MYCBPAP: variants seen among roughly 807,000 people sequenced by gnomAD.
MYCBPAP encodes MYCBP-associated protein.
Under a neutral mutation model 106.1 loss-of-function variants are expected in MYCBPAP, and 60 were observed. The ratio of observed to expected loss-of-function variants is 0.57; its 90% CI spans 0.46 to 0.70. The LOEUF (loss-of-function observed/expected upper bound fraction) is 0.70. Among genes scored for constraint, MYCBPAP ranks in the 30% least tolerant of loss-of-function variants. The probability of loss-of-function intolerance (pLI) is 0.00; values close to 1 mark genes in which losing one functional copy is unlikely to be tolerated. For synonymous variants in MYCBPAP, 407 were observed against 440.6 expected, an observed-to-expected ratio of 0.92 and a Z score of 0.95; for missense variants, 1,064 against 1,169.3, an observed-to-expected ratio of 0.91 and a Z score of 1.31.
chr17:50,514,023 G>A (rs546885092), intron 1 of MYCBPAP, among the ~76,000 whole-genome samples: 148 of 152,320 alleles, frequency 9.7e-4, no homozygotes, highest in Non-Finnish European at 1.6e-3. Flanking sequence ...GACTGTGGAT[G>A]ATAGGCTGAA....
rs778000070 is a variant in MYCBPAP, at chr17:50,518,930, G to T, written c.653-44G>T. On this transcript the variant is annotated intron_variant, in intron 5 of 18. Transcript: ENST00000323776. ...ATGCAGACTGCCAAGGCCCCTGTTT[G>T]TTCTGGTTCGGCAGAGTGGCGGCAA... The T allele has an allele frequency of 3.9e-5, 62 of 1,579,862 alleles. 1 individual carries two copies. The highest frequency in any genetic ancestry group is 1.8e-4 in the East Asian group (8 of 44,718).
intron 1 of MYCBPAP, among the ~76,000 whole-genome samples, chr17:50,512,544 C>T (rs2033893169): frequency 6.6e-6 from 1 of 152,214 alleles, no homozygotes; most frequent in African/African-American, 2.4e-5. Flanking sequence ...AACACTTCTT[C>T]AGAGCCCTGA....
intron 12 of MYCBPAP, 104 bp downstream of exon 12, chr17:50,523,888 G>T: frequency 8.3e-7 from 1 of 1,205,024 alleles, no homozygotes; most frequent in Non-Finnish European, 1.1e-6. Flanking sequence ...CCTAAGAGGA[G>T]AATTGGATTT....
At chr17:50,527,227 C>CT in intron 14 of MYCBPAP, 60 bp from the exon 15 acceptor site, 1 of 1,605,134 alleles carries the variant, frequency 6.2e-7, no homozygotes, top group South Asian at 1.1e-5. Context: ...TCACCATGCC[C>CT]TTCACTAGAG....
At position 50,526,279 on chromosome 17, in the gene MYCBPAP, A is replaced by T. The variant is rs1396857772; in HGVS notation, c.2169+12A>T. The T allele has an allele frequency of 6.3e-7, 1 of 1,581,196 alleles. No individual in the cohort carries two copies. Among genetic ancestry groups the T allele is most frequent in the East Asian group, 2.2e-5 (1 of 44,708 alleles). ...AGGACTTCAGAAAGGTGCTTCCAAG[A>T]CCCTGGAAGGCAATGGTAGAGAATA... On this transcript the variant is annotated intron_variant, in intron 14 of 18. Coordinates refer to ENST00000323776, the MANE Select transcript of MYCBPAP (RefSeq NM_032133.6).
chr17:50,522,887 A>G, intron 10 of MYCBPAP, 52 bp from the exon 11 acceptor site: 1 of 1,557,388 alleles, frequency 6.4e-7, no homozygotes, highest in Non-Finnish European at 8.8e-7. Context: ...TGAGTTGTTC[A>G]CTCTAGGCCA....
At position 50,527,321 on chromosome 17, in the gene MYCBPAP, A is replaced by T. The variant is rs374863303; in HGVS notation, c.2204A>T (p.Glu735Val). The change falls in exon 15 of 19, where the codon GAG becomes GTG. Residue 735 changes from glutamate to valine, a missense_variant. Transcript: ENST00000323776. ...VMVLPDENHR[E>V]DALMRLNKAA... Reference sequence around the variant, plus strand: ...GTGCTCCCTGATGAGAACCACAGAGAGGATGCGTTGATGAGGCTCAACAAA... The same window carrying T: ...GTGCTCCCTGATGAGAACCACAGAGTGGATGCGTTGATGAGGCTCAACAAA... 2 of 1,614,050 alleles carry T rather than the reference A, an allele frequency of 1.2e-6. No homozygotes were observed. The highest frequency in any genetic ancestry group is 1.7e-6 in the Non-Finnish European group (2 of 1,179,988).
In MYCBPAP at chr17:50,526,414, C is replaced by T. The variant is rs115366750; in HGVS notation, c.2169+147C>T. The T allele has an allele frequency of 6.4e-3, 2,373 of 369,746 alleles. 10 individuals carry two copies. The highest frequency in any genetic ancestry group is 1.0e-2 in the Middle Eastern group (12 of 1,202). 22.9% of individuals were successfully genotyped at this position (369,746 alleles called of 1,614,324 possible). On this transcript the variant is annotated intron_variant, in intron 14 of 18. Coordinates refer to ENST00000323776, the MANE Select transcript of MYCBPAP (RefSeq NM_032133.6). ...GTGATCTCTTGGGTTATCTATCTAT[C>T]TATTTATTTATTTATTTATTTATTT...
chr17:50,526,373 T>A, intron 14 of MYCBPAP, 106 bp downstream of exon 14: 1 of 1,097,794 alleles, frequency 9.1e-7, no homozygotes, highest in Non-Finnish European at 1.3e-6. Context: ...AAACAAAACC[T>A]GAGAGCCCAG....
intron 1 of MYCBPAP, chr17:50,510,316 A>G (rs1196118771): frequency 6.6e-6 from 1 of 151,788 alleles, no homozygotes; most frequent in African/African-American, 2.4e-5. Context: ...GTTCCAGGCC[A>G]GGAGTTTATG....
Position 50,517,656 on chromosome 17 carries a change from C to T in MYCBPAP, c.426C>T (p.Leu142=), listed in dbSNP as rs61749931. The change falls in exon 4 of 19, where the codon CTC becomes CTT. Residue 142 remains leucine, a synonymous_variant. Transcript: ENST00000323776. ...TGCCCCACCACATCTTGGGGAGTCT[C>T]CAGGATTTTAAGAGAATTGCACTTG... ...QILPHHILGS[L]QDFKRIALAR... 60,277 of 1,614,068 alleles carry T rather than the reference C, an allele frequency of 0.037. 1,406 individuals are homozygous for T. Among genetic ancestry groups the T allele is most frequent in the African/African-American group, 0.09 (6,784 of 74,998 alleles).
In MYCBPAP at chr17:50,517,421, T is replaced by C. The variant is rs890018880; in HGVS notation, c.333T>C (p.Pro111=). ...VCHLVARPAN[P]DEATKPLDYS... ...ACCTTGTAGCACGTCCTGCGAATCCTGATGAAGCCACAAAGCCTCTGGACT... is the reference window on the plus strand; with the variant it reads ...ACCTTGTAGCACGTCCTGCGAATCCCGATGAAGCCACAAAGCCTCTGGACT... Residue 111 remains proline, a synonymous_variant, in exon 3 of 19, where the codon CCT becomes CCC. Coordinates refer to ENST00000323776, the MANE Select transcript of MYCBPAP (RefSeq NM_032133.6). 1.3e-5 allele frequency: 21 copies of C among 1,614,216 alleles called. No homozygotes were observed. Among genetic ancestry groups the C allele is most frequent in the Non-Finnish European group, 1.8e-5 (21 of 1,180,036 alleles).
rs2034278665 is a variant in MYCBPAP, at chr17:50,522,064, A to C, written c.1240A>C (p.Ser414Arg). The change falls in exon 10 of 19, where the codon AGT (serine) becomes CGT (arginine). Residue 414 changes from serine to arginine, a missense_variant. Coordinates refer to ENST00000323776, the MANE Select transcript of MYCBPAP (RefSeq NM_032133.6). ...CGKPACWIRG[S>R]NPQDKRQVGI... Reference sequence around the variant, plus strand: ...GAAGCCAGCTTGCTGGATCAGAGGCAGTAATCCACAGGACAAGGTAAAACA... The same window carrying C: ...GAAGCCAGCTTGCTGGATCAGAGGCCGTAATCCACAGGACAAGGTAAAACA... 1.9e-6 allele frequency: 3 copies of C among 1,613,746 alleles called. No homozygotes were observed. The African/African-American group carries it at 4.0e-5, about 22-fold the overall frequency.
chr17:50,526,074 G>C lies in MYCBPAP; in HGVS notation c.1976G>C (p.Arg659Pro). 6.2e-7 allele frequency: 1 copy of C among 1,613,924 alleles called. No individual in the cohort carries two copies. Among genetic ancestry groups the C allele is most frequent in the Non-Finnish European group, 8.5e-7 (1 of 1,180,028 alleles). Residue 659 changes from arginine to proline, a missense_variant, in exon 14 of 19, where the codon CGG becomes CCG. Coordinates refer to ENST00000323776, the MANE Select transcript of MYCBPAP (RefSeq NM_032133.6). ...CCCATCTCCGAAACTCAAGTGCCCC[G>C]GCCTGAGAACGAGGCCCTCAGGGAA... ...RSPISETQVP[R>P]PENEALRESG...
Position 50,515,248 on chromosome 17 carries a change from TC to T in MYCBPAP, c.77-1315del, listed in dbSNP as rs528343385. Among the ~76,000 whole-genome samples the T allele has an allele frequency of 5.9e-3, 896 of 151,142 alleles. 4 individuals carry two copies. The highest frequency in any genetic ancestry group is 0.01 in the Middle Eastern group (3 of 294). On this transcript the variant is annotated intron_variant, in intron 1 of 18. Coordinates refer to ENST00000323776, the MANE Select transcript of MYCBPAP (RefSeq NM_032133.6). ...CGCCCGCCGACTCAGGGCTGGTTGT[TC>T]CCCCCCACCATGTTCCTGTAGTTAC...
chr17:50,516,252 A>C (rs2034046430), intron 1 of MYCBPAP, among the ~76,000 whole-genome samples: 1 of 152,160 alleles, frequency 6.6e-6, no homozygotes, highest in Non-Finnish European at 1.5e-5. Context: ...AGCCTCCTAA[A>C]GTGCTGGGAT....
chr17:50,508,558 G>A lies in MYCBPAP; in HGVS notation c.-117G>A. 6.5e-7 allele frequency: 1 copy of A among 1,544,528 alleles called. No homozygotes were observed. Among genetic ancestry groups the A allele is most frequent in the African/African-American group, 1.4e-5 (1 of 72,524 alleles). On this transcript the variant is annotated 5_prime_UTR_variant, in exon 1 of 19. Coordinates refer to ENST00000323776, the MANE Select transcript of MYCBPAP (RefSeq NM_032133.6). The stretch of plus-strand genomic sequence containing the variant: ...AGTTGATCGGTGGATGCGCGCCCCC[G>A]CGCGGGGCACCGGTTGCTGTGGACG...
chr17:50,513,233 A>AT (rs2033921862), intron 1 of MYCBPAP, among the ~76,000 whole-genome samples: 1 of 150,474 alleles, frequency 6.6e-6, no homozygotes, highest in Non-Finnish European at 1.5e-5. Context: ...AAAAAAAAAA[A>AT]AAAAAAAGCT....
At chr17:50,522,867 G>T in intron 10 of MYCBPAP, 72 bp from the exon 11 acceptor site, 1 of 1,493,110 alleles carries the variant, frequency 6.7e-7, no homozygotes, top group Non-Finnish European at 9.1e-7. Context: ...AAAGTCCTGG[G>T]CAGACCAGAT....
Sources: allele counts gnomAD v4.1 joint callset (sites outside exome capture counted in the v4.1 genomes callset), GRCh38; gene constraint gnomAD v4.1.1; transcripts MANE v1.5; gene names NCBI Gene and HGNC (gene_info 2026-07-23, HGNC 2026-07-21).